Variants in NBPF10 observed in about 807,000 individuals in gnomAD.
NBPF10 encodes NBPF member 10, also known as NBPF family member NBPF10.
NBPF10 carries 63 observed loss-of-function variants against 77.9 expected under a neutral mutation model. The observed-to-expected ratio is 0.81, with a 90% CI of 0.66 to 1.00. The LOEUF (loss-of-function observed/expected upper bound fraction) is 1.00, where lower values mean the gene tolerates loss of function less well. Among genes scored for constraint, NBPF10 ranks in the 50% least tolerant of loss-of-function variants. The pLI is 0.00. For missense variants in NBPF10, 522 were observed against 679.8 expected (o/e 0.77, Z 2.58); for synonymous variants, 146 against 264.5 (o/e 0.55, Z 4.35).
chr1:146,067,849 T>G (rs76000902), intron 88 of NBPF10, among the ~76,000 whole-genome samples, 154 bp downstream of exon 88: 2 of 151,834 alleles, frequency 1.3e-5, no homozygotes, highest in Non-Finnish European at 1.5e-5. Flanking sequence ...GGCTTCCAGC[T>G]GAGACTACAG....
At chr1:146,123,516 AC>A in intron 17 of NBPF10, among the ~76,000 whole-genome samples, 4 of 106,310 alleles carry the variant, frequency 3.8e-5, no homozygotes, top group African/African-American at 1.8e-4. Flanking sequence ...ACACACACAC[AC>A]ACACACACAG....
intron 5 of NBPF10, among the ~76,000 whole-genome samples, chr1:146,139,400 C>A (rs12068799): frequency 6.2e-3 from 938 of 151,472 alleles, no homozygotes; most frequent in African/African-American, 0.022. Flanking sequence ...TGACCCACTG[C>A]GCCCAGCCGA....
At chr1:146,121,939 G>A (rs1442045549) in intron 19 of NBPF10, among the ~76,000 whole-genome samples, 2 of 139,968 alleles carry the variant, frequency 1.4e-5, no homozygotes, top group African/African-American at 5.7e-5. Context: ...TACTGGTAAG[G>A]GAGTCAAAGG....
At chr1:146,126,456 C>A (rs1258244523) in intron 13 of NBPF10, 48 bp from the exon 14 acceptor site, 3 of 790,176 alleles carry the variant, frequency 3.8e-6, no homozygotes, top group Non-Finnish European at 2.3e-6. Context: ...GAATCAGAAA[C>A]CACACAGCCC....
intron 20 of NBPF10, among the ~76,000 whole-genome samples, chr1:146,121,009 CATTTGTCCCAA>C (rs1658108765): frequency 1.0e-5 from 1 of 98,714 alleles, no homozygotes; most frequent in Admixed American, 1.1e-4. Flanking sequence ...ATCCCAATAT[CATTTGTCCCAA>C]GTTTGTGCAA....
At chr1:146,068,522 C>A (rs2102046984) in intron 87 of NBPF10, among the ~76,000 whole-genome samples, 1 of 28,118 alleles carries the variant, frequency 3.6e-5, no homozygotes, top group East Asian at 7.8e-4. Flanking sequence ...TTTCCATAAA[C>A]TTGCTCAAGA....
At chr1:146,085,704 CAGATAG>C (rs1347103386) in intron 65 of NBPF10, among the ~76,000 whole-genome samples, 191 bp from the exon 66 acceptor site, 1 of 5,316 alleles carries the variant, frequency 1.9e-4, no homozygotes, top group African/African-American at 7.8e-4. Context: ...AAGAGAAAGA[CAGATAG>C]ACACACACAC....
At position 146,067,864 on chromosome 1, in the gene NBPF10, A is replaced by G. The variant is rs1322776299; in HGVS notation, c.11035+139T>C. The G allele has an allele frequency of 4.3e-6, 3 of 697,606 alleles. No individual in the cohort carries two copies. The African/African-American group carries it at 5.3e-5, about 12-fold the overall frequency. 43.2% of individuals were successfully genotyped at this position (697,606 alleles called of 1,614,324 possible). ...GGCTTCCAGCTGAGACTACAGTTTC[A>G]TTACAACCTATATGCGCCCATAGGT... On this transcript the variant is annotated intron_variant, in intron 88 of 89. Coordinates refer to ENST00000583866, the Ensembl canonical transcript of NBPF10.
chr1:146,067,841 C>A (rs1326840580), intron 88 of NBPF10, among the ~76,000 whole-genome samples, 162 bp downstream of exon 88: 1 of 151,890 alleles, frequency 6.6e-6, no homozygotes, highest in Non-Finnish European at 1.5e-5. Context: ...CATGTCTAGG[C>A]TTCCAGCTGA....
In NBPF10 at chr1:146,126,218, T is replaced by G. The variant is rs782340122; in HGVS notation, c.2026+18A>C. On this transcript the variant is annotated intron_variant, in intron 14 of 89. Transcript: ENST00000583866. ...AAGACTCAGTGGATCCTTATCACCT[T>G]CATAGAAAGGTACTCACCATCCATG... 1.5e-5 allele frequency: 24 copies of G among 1,551,556 alleles called. No individual in the cohort carries two copies. In the East Asian group the frequency reaches 4.7e-4, roughly 30 times the overall value.
intron 13 of NBPF10, 70 bp downstream of exon 13, chr1:146,126,958 C>T: frequency 6.0e-6 from 3 of 503,600 alleles, no homozygotes; most frequent in Non-Finnish European, 1.0e-5. Flanking sequence ...TCAGGATGTA[C>T]TGTTTTCCCT....
chr1:146,138,819 CTG>C (rs1292359903), intron 5 of NBPF10, among the ~76,000 whole-genome samples: 1 of 142,670 alleles, frequency 7.0e-6, no homozygotes, highest in African/African-American at 2.5e-5. Context: ...GAGTCTCACT[CTG>C]TCACGCAGGC....
intron 88 of NBPF10, among the ~76,000 whole-genome samples, chr1:146,067,773 C>A (rs113849871): frequency 6.6e-6 from 1 of 150,744 alleles, no homozygotes; most frequent in East Asian, 2.0e-4. Context: ...AGAATAGGAT[C>A]AGGGCGCCAC....
At position 146,067,283 on chromosome 1, in the gene NBPF10, C is replaced by A. The variant is rs145025037; in HGVS notation, c.11041G>T (p.Glu3681Ter). 9.4e-6 allele frequency: 5 copies of A among 533,890 alleles called. No homozygotes were observed. Among genetic ancestry groups the A allele is most frequent in the South Asian group, 3.5e-5 (2 of 56,390 alleles). The allele number at this position is 533,890 out of a possible 1,614,324, so 33.1% of individuals were successfully genotyped here. A position where few individuals can be genotyped will look rare whatever the true frequency, so the allele number is the denominator to read the frequency against. ...CTTTTTTTCCCCTTCCCCTTCTTTT[C>A]AATTTCTGCAATAAATTCAGACATG... The change falls in exon 89 of 90, where the codon GAA becomes TAA. Residue 3681 changes from glutamate to a stop codon, truncating the protein, a stop_gained. Transcript: ENST00000583866. LOFTEE classifies it high-confidence loss of function.
At chr1:146,139,256 C>T (rs1215318529) in intron 5 of NBPF10, among the ~76,000 whole-genome samples, 15 of 149,652 alleles carry the variant, frequency 1.0e-4, no homozygotes, top group East Asian at 5.8e-4. Flanking sequence ...CCCACCACCA[C>T]GCCCAGCTAT....
intron 14 of NBPF10, 105 bp from the exon 15 acceptor site, chr1:146,125,621 A>T: frequency 1.9e-6 from 1 of 521,712 alleles, no homozygotes. Context: ...CCTCAGCATG[A>T]GAATAGGACA....
At chr1:146,138,929 C>T (rs1189378502) in intron 5 of NBPF10, among the ~76,000 whole-genome samples, 2 of 142,058 alleles carry the variant, frequency 1.4e-5, no homozygotes, top group Admixed American at 7.0e-5. Context: ...GGATTACAAG[C>T]GCCAAGTAAC....
chr1:146,136,687 A>G (rs1289338832), intron 6 of NBPF10, among the ~76,000 whole-genome samples: 1 of 144,196 alleles, frequency 6.9e-6, no homozygotes, highest in Admixed American at 6.9e-5. Context: ...GGAAGTTGAC[A>G]AGATGATTCA....
intron 14 of NBPF10, 77 bp downstream of exon 14, chr1:146,126,159 C>G (rs79733473): frequency 0.017 from 15,387 of 908,136 alleles, 378 homozygotes; most frequent in Non-Finnish European, 0.02. Flanking sequence ...AGCTCAGTAA[C>G]GGCCACTTGC....
Sources: gnomAD v4.1 joint callset for allele counts (sites outside exome capture counted in the v4.1 genomes callset) on GRCh38, gnomAD v4.1.1 for gene constraint, MANE v1.5 for transcripts, NCBI Gene and HGNC (gene_info 2026-07-23, HGNC 2026-07-21) for gene names.